DCAF1: variants seen among roughly 807,000 people sequenced by gnomAD.
DCAF1 encodes DDB1- and CUL4-associated factor 1.
DCAF1 carries 15 observed loss-of-function variants against 128.0 expected under a neutral mutation model. That is an observed-to-expected ratio of 0.12 (90% CI 0.08 to 0.18). DCAF1 has a LOEUF of 0.18. DCAF1 is among the 10% of genes least tolerant of loss of function. DCAF1 has a pLI of 1.00. For synonymous variants in DCAF1, 610 were observed against 603.0 expected (o/e 1.01, Z -0.17); for missense variants, 988 against 1,649.5 (o/e 0.60, Z 6.95).
At chr3:51,450,066 C>A (rs1167223363) in intron 6 of DCAF1, among the ~76,000 whole-genome samples, 1 of 152,146 alleles carries the variant, frequency 6.6e-6, no homozygotes, top group Admixed American at 6.5e-5. Flanking sequence ...AGAATTAAAG[C>A]CGGGTATGGC....
chr3:51,424,957 AAACTATTCT>A (rs1699773193), intron 13 of DCAF1, among the ~76,000 whole-genome samples: 1 of 152,204 alleles, frequency 6.6e-6, no homozygotes. Flanking sequence ...AGCAGTTGTT[AAACTATTCT>A]CTGTGCCTTT....
intron 6 of DCAF1, among the ~76,000 whole-genome samples, chr3:51,444,763 C>T (rs1233986078): frequency 6.6e-6 from 1 of 152,042 alleles, no homozygotes; most frequent in East Asian, 1.9e-4. Flanking sequence ...ACAAGCTCTG[C>T]CTCTTGGGTT....
At chr3:51,407,595 T>C (rs1294948226) in intron 23 of DCAF1, among the ~76,000 whole-genome samples, 5 of 152,218 alleles carry the variant, frequency 3.3e-5, no homozygotes, top group Non-Finnish European at 7.3e-5. Context: ...CTAAAATGTA[T>C]TGGCTTGTCA....
At chr3:51,476,250 G>C (rs1299697874) in intron 3 of DCAF1, among the ~76,000 whole-genome samples, 2 of 151,544 alleles carry the variant, frequency 1.3e-5, no homozygotes, top group Non-Finnish European at 2.9e-5. Context: ...AATTAGCCAG[G>C]CATGGTGGCG....
At chr3:51,476,549 T>C (rs1705468994) in intron 3 of DCAF1, among the ~76,000 whole-genome samples, 1 of 136,072 alleles carries the variant, frequency 7.3e-6, no homozygotes, top group Non-Finnish European at 1.5e-5. Flanking sequence ...AGCAGAGTAC[T>C]TTACAGTATA....
In DCAF1 at chr3:51,419,689, A is replaced by C. The variant is rs374034588; in HGVS notation, c.3236+45T>G. ...TACTGCCCAGTTTGATTTAAATAAA[A>C]GAATCATTCCAATTCCCAGGGAGTA... On this transcript the variant is annotated intron_variant, in intron 15 of 24. Coordinates refer to ENST00000684031, the MANE Select transcript of DCAF1 (RefSeq NM_001387579.1). The C allele has an allele frequency of 3.4e-4, 522 of 1,542,720 alleles. 1 individual carries two copies. Among genetic ancestry groups the C allele is most frequent in the Non-Finnish European group, 4.0e-4 (458 of 1,147,492 alleles).
At chr3:51,423,473 G>C (rs1368250654) in intron 13 of DCAF1, among the ~76,000 whole-genome samples, 22 of 150,760 alleles carry the variant, frequency 1.5e-4, no homozygotes, top group Non-Finnish European at 2.9e-4. Context: ...CCGCACTCCA[G>C]CTCGGGCCAC....
At chr3:51,470,784 A>G in intron 4 of DCAF1, 145 bp downstream of exon 4, 1 of 493,102 alleles carries the variant, frequency 2.0e-6, no homozygotes, top group East Asian at 2.9e-5. Flanking sequence ...AGGTCTTAAA[A>G]CTTACCACAA....
intron 3 of DCAF1, among the ~76,000 whole-genome samples, chr3:51,482,320 C>T (rs1260252645): frequency 4.0e-5 from 6 of 150,510 alleles, no homozygotes; most frequent in African/African-American, 7.3e-5. Context: ...TGGTGCACAC[C>T]TGTGGTCTCA....
intron 9 of DCAF1, among the ~76,000 whole-genome samples, chr3:51,438,523 T>C (rs777529101): frequency 6.6e-6 from 1 of 152,238 alleles, no homozygotes; most frequent in Non-Finnish European, 1.5e-5. Context: ...AACAATTATT[T>C]TCAAAGCAAC....
chr3:51,404,103 A>G (rs1302757145), intron 23 of DCAF1, among the ~76,000 whole-genome samples: 1 of 152,246 alleles, frequency 6.6e-6, no homozygotes, highest in Non-Finnish European at 1.5e-5. Context: ...TGGGCTTTGT[A>G]AATGGTACAT....
intron 6 of DCAF1, among the ~76,000 whole-genome samples, chr3:51,450,710 C>G (rs4687812): frequency 0.11 from 17,158 of 152,104 alleles, 1,925 homozygotes; most frequent in East Asian, 0.33. Context: ...TTGAACTCCT[C>G]AGCACAAGCG....
chr3:51,444,671 AT>A (rs1226668579), intron 6 of DCAF1, among the ~76,000 whole-genome samples: 9 of 142,960 alleles, frequency 6.3e-5, no homozygotes, highest in Non-Finnish European at 9.1e-5. Context: ...TATTTTATTG[AT>A]TGATTGATTG....
intron 16 of DCAF1, 39 bp downstream of exon 16, chr3:51,418,639 G>A (rs781933775): frequency 1.5e-5 from 23 of 1,572,270 alleles, no homozygotes; most frequent in Non-Finnish European, 2.0e-5. Flanking sequence ...AATTCATCTT[G>A]GAAGAATGAC....
At chr3:51,505,444 C>G in the DCAF1 span, among the ~76,000 whole-genome samples, 1 of 152,176 alleles carries the variant, frequency 6.6e-6, no homozygotes, top group African/African-American at 2.4e-5. Context: ...CCAGATACAG[C>G]CTGGGGTACC....
At chr3:51,433,022 CAAA>C in intron 10 of DCAF1, 81 bp downstream of exon 10, 1 of 397,134 alleles carries the variant, frequency 2.5e-6, no homozygotes. Context: ...TTTTCTTATC[CAAA>C]AGTCATTCTG....
chr3:51,424,343 TA>T lies in DCAF1; in HGVS notation c.1848-1913del, dbSNP rs1402505781. ...TGAACCCAGGAGGCGGAGGTTGCCA[TA>T]AGCCGAGATTGCACCACTACTGCAC... On this transcript the variant is annotated intron_variant, in intron 13 of 24. Coordinates refer to ENST00000684031, the MANE Select transcript of DCAF1 (RefSeq NM_001387579.1). Among the ~76,000 whole-genome samples the T allele has an allele frequency of 2.7e-5, 4 of 147,382 alleles. No homozygotes were observed. In the Admixed American group the frequency reaches 2.8e-4, roughly 10 times the overall value.
At chr3:51,423,827 A>G (rs1699653662) in intron 13 of DCAF1, among the ~76,000 whole-genome samples, 1 of 151,790 alleles carries the variant, frequency 6.6e-6, no homozygotes, top group Non-Finnish European at 1.5e-5. Context: ...TTCAAAAAAA[A>G]AAAAAAAAAG....
intron 18 of DCAF1, 109 bp downstream of exon 18, chr3:51,416,678 C>A (rs1698908852): frequency 2.1e-6 from 3 of 1,450,264 alleles, no homozygotes; most frequent in East Asian, 2.6e-5. Flanking sequence ...AGGAATATCA[C>A]TGATTTCTAG....
Sources: gnomAD v4.1 joint callset for allele counts (sites outside exome capture counted in the v4.1 genomes callset) on GRCh38, gnomAD v4.1.1 for gene constraint, MANE v1.5 for transcripts, NCBI Gene and HGNC (gene_info 2026-07-23, HGNC 2026-07-21) for gene names.